Variants in GNG7 observed in about 807,000 individuals in gnomAD.
The protein encoded by GNG7 is G protein subunit gamma 7.
A neutral mutation model predicts 4.0 loss-of-function variants in GNG7; 1 was observed. The observed-to-expected ratio is 0.25, with a 90% CI of 0.09 to 1.18. The LOEUF is 1.18. Among genes scored for constraint, GNG7 ranks in the 50% most tolerant of loss-of-function variants. The pLI is 0.50. For synonymous variants in GNG7, 34 were observed against 36.9 expected (o/e 0.92, Z 0.29); for missense variants, 86 against 91.9 (o/e 0.94, Z 0.26).
At chr19:2,535,469 C>T (rs1599377645) in intron 3 of GNG7, among the ~76,000 whole-genome samples, 1 of 150,952 alleles carries the variant, frequency 6.6e-6, no homozygotes, top group Admixed American at 6.6e-5. Flanking sequence ...CACTGCACTC[C>T]AGCCTGGGTG....
intron 2 of GNG7, among the ~76,000 whole-genome samples, chr19:2,555,848 C>T (rs1478146451): frequency 6.6e-6 from 1 of 152,136 alleles, no homozygotes; most frequent in Non-Finnish European, 1.5e-5. Flanking sequence ...CTGTTCCAAG[C>T]CGGACCCTGC....
chr19:2,550,503 C>T (rs377266626), intron 3 of GNG7, among the ~76,000 whole-genome samples: 16 of 152,310 alleles, frequency 1.1e-4, no homozygotes, highest in African/African-American at 3.4e-4. Context: ...GCTGCGATTA[C>T]AGGCAGGAGC....
At chr19:2,559,417 T>A (rs1370199114) in intron 2 of GNG7, among the ~76,000 whole-genome samples, 1 of 149,922 alleles carries the variant, frequency 6.7e-6, no homozygotes, top group East Asian at 2.0e-4. Context: ...AATGGTGCAA[T>A]CTCAGCTCAC....
At chr19:2,587,460 A>G (rs938340584) in intron 2 of GNG7, among the ~76,000 whole-genome samples, 1 of 152,160 alleles carries the variant, frequency 6.6e-6, no homozygotes, top group Non-Finnish European at 1.5e-5. Flanking sequence ...GGGCTGGGAA[A>G]GTTCCTGGGA....
chr19:2,567,386 G>A (rs935081590), intron 2 of GNG7, among the ~76,000 whole-genome samples: 2 of 127,128 alleles, frequency 1.6e-5, no homozygotes, highest in African/African-American at 6.6e-5. Context: ...AGGCTGGAGT[G>A]CCCGTGGTGC....
chr19:2,524,587 T>C (rs531143785), intron 3 of GNG7, among the ~76,000 whole-genome samples: 8 of 152,390 alleles, frequency 5.2e-5, no homozygotes. Flanking sequence ...AGCATGCATA[T>C]GAGTGTGCAT....
intron 1 of GNG7, among the ~76,000 whole-genome samples, chr19:2,699,208 G>A (rs1913341819): frequency 6.6e-6 from 1 of 150,384 alleles, no homozygotes; most frequent in African/African-American, 2.5e-5. Context: ...GAGTGCAGTG[G>A]TGCAATCTCA....
chr19:2,689,468 C>CA (rs2071607163), intron 1 of GNG7, among the ~76,000 whole-genome samples: 1 of 151,246 alleles, frequency 6.6e-6, no homozygotes, highest in African/African-American at 2.4e-5. Context: ...ACTAAAAATA[C>CA]AAAAAATAGC....
intron 1 of GNG7, among the ~76,000 whole-genome samples, chr19:2,679,374 T>C (rs905725822): frequency 6.6e-6 from 1 of 152,112 alleles, no homozygotes. Context: ...ATACATAATA[T>C]ATTGAATAAT....
chr19:2,573,475 G>A (rs1022105854), intron 2 of GNG7, among the ~76,000 whole-genome samples: 7 of 152,122 alleles, frequency 4.6e-5, no homozygotes, highest in Admixed American at 3.9e-4. Context: ...TCACAGCTGC[G>A]TGGCTTCCGA....
At chr19:2,652,426 C>A (rs148594525) in intron 1 of GNG7, among the ~76,000 whole-genome samples, 5,924 of 152,052 alleles carry the variant, frequency 0.039, 207 homozygotes, top group African/African-American at 0.089. Flanking sequence ...TCAAGACCAG[C>A]CTGGCTAACA....
chr19:2,648,443 A>G (rs781245535), intron 1 of GNG7, among the ~76,000 whole-genome samples: 2 of 152,186 alleles, frequency 1.3e-5, no homozygotes, highest in Non-Finnish European at 2.9e-5. Flanking sequence ...AGATGCTAAC[A>G]TAAGGGAAAA....
At chr19:2,646,514 C>T (rs912983501) in intron 1 of GNG7, among the ~76,000 whole-genome samples, 2 of 152,040 alleles carry the variant, frequency 1.3e-5, no homozygotes, top group African/African-American at 4.8e-5. Context: ...GGCAAAATCC[C>T]GTCTCTACTA....
At position 2,633,082 on chromosome 19, in the gene GNG7, G is replaced by A. The variant is rs1043819104; in HGVS notation, c.-78+13142C>T. Among the ~76,000 whole-genome samples the A allele has an allele frequency of 7.9e-5, 12 of 152,228 alleles. No homozygotes were observed. The highest frequency in any genetic ancestry group is 1.4e-4 in the African/African-American group (6 of 41,456). The stretch of plus-strand genomic sequence containing the variant: ...ATGACACGCATCCCCAGGCGGCACC[G>A]GGAGTGTCTGCGCAGAGATCCGAGG... On this transcript the variant is annotated intron_variant, in intron 2 of 4. Coordinates refer to ENST00000382159, the MANE Select transcript of GNG7 (RefSeq NM_052847.3). This position sits in a 1 kb window ranked among gnomAD's most constrained non-coding sequence, Gnocchi z 5.9.
chr19:2,536,872 C>T (rs8110448), intron 3 of GNG7, among the ~76,000 whole-genome samples: 5,689 of 151,986 alleles, frequency 0.037, 337 homozygotes, highest in African/African-American at 0.13. Context: ...GCTTCCTGGT[C>T]GGACTCCATT....
chr19:2,645,854 G>A (rs1982650603), intron 2 of GNG7, among the ~76,000 whole-genome samples: 1 of 152,126 alleles, frequency 6.6e-6, no homozygotes, highest in East Asian at 1.9e-4. Flanking sequence ...GCCAGCGACG[G>A]GTCACTCTCC....
rs1252017966 is a variant in GNG7 at position 2,612,707 on chromosome 19, AT to A, written c.-78+33516del. Among the ~76,000 whole-genome samples the A allele has an allele frequency of 7.9e-3, 1,085 of 137,372 alleles. 19 individuals are homozygous for A. Among genetic ancestry groups the A allele is most frequent in the Admixed American group, 0.027 (381 of 13,996 alleles). The allele number at this position is 137,372 out of a possible 152,430, so 90.1% of individuals were successfully genotyped here. ...TAGAATTTTTTTTTTTTTTTGAGAA[AT>A]TTTTTTTTTTTTTTTGAGAGTCTTG... On this transcript the variant is annotated intron_variant, in intron 2 of 4. Transcript: ENST00000382159.
intron 3 of GNG7, among the ~76,000 whole-genome samples, chr19:2,541,739 C>CAA (rs60594527): frequency 3.7e-5 from 5 of 135,550 alleles, no homozygotes; most frequent in African/African-American, 8.2e-5. Flanking sequence ...AAGACTCCAT[C>CAA]AAAAAAAAAA....
intron 3 of GNG7, among the ~76,000 whole-genome samples, chr19:2,539,015 C>T (rs1299961374): frequency 1.3e-5 from 2 of 152,102 alleles, no homozygotes; most frequent in African/African-American, 4.8e-5. Flanking sequence ...TCATGATCTG[C>T]CCACCTCGGC....
Sources: gnomAD v4.1 joint callset for allele counts (sites outside exome capture counted in the v4.1 genomes callset) on GRCh38, gnomAD v4.1.1 for gene constraint, Gnocchi (gnomAD v3.1) non-coding constraint, MANE v1.5 for transcripts, NCBI Gene and HGNC (gene_info 2026-07-23, HGNC 2026-07-21) for gene names.